NCALD: variants seen among roughly 807,000 people sequenced by gnomAD.
NCALD encodes neurocalcin delta.
In NCALD, 10 loss-of-function variants were observed where a neutral mutation model predicts 18.6. That is an observed-to-expected ratio of 0.54 (90% CI 0.33 to 0.91). The LOEUF (loss-of-function observed/expected upper bound fraction) is 0.91. Ranked by LOEUF, NCALD falls within the 40% of genes least tolerant of loss-of-function variation. The pLI is 0.03. For synonymous variants in NCALD, 88 were observed against 87.4 expected (o/e 1.01, Z -0.04); for missense variants, 184 against 247.6 (o/e 0.74, Z 1.72).
chr8:102,038,470 CAT>C (rs1822944783), intron 1 of NCALD, among the ~76,000 whole-genome samples: 1 of 152,176 alleles, frequency 6.6e-6, no homozygotes, highest in South Asian at 2.1e-4. Flanking sequence ...CATCAACTTT[CAT>C]CAGGATCAAG....
chr8:101,843,740 C>T (rs1336573482), intron 4 of NCALD, among the ~76,000 whole-genome samples: 1 of 152,040 alleles, frequency 6.6e-6, no homozygotes, highest in Admixed American at 6.5e-5. Flanking sequence ...TGCCACCATA[C>T]CCAGCTAATT....
chr8:101,915,295 C>A (rs1336415944), intron 3 of NCALD, among the ~76,000 whole-genome samples: 3 of 152,150 alleles, frequency 2.0e-5, no homozygotes, highest in African/African-American at 7.2e-5. Context: ...GTGGTGAGGA[C>A]CTTGCAGAGC....
chr8:102,011,280 T>C (rs1435772816), intron 2 of NCALD, among the ~76,000 whole-genome samples: 1 of 152,212 alleles, frequency 6.6e-6, no homozygotes, highest in South Asian at 2.1e-4. Context: ...GAACTCTCCA[T>C]AGATCCTCAA....
At chr8:101,691,057 C>A in intron 3 of NCALD, 1 of 985,414 alleles carries the variant, frequency 1.0e-6, no homozygotes, top group South Asian at 4.7e-5. Flanking sequence ...GAGCAACAGG[C>A]AAGCTAAATC....
At chr8:101,890,156 T>C (rs990983570) in intron 3 of NCALD, among the ~76,000 whole-genome samples, 3 of 152,116 alleles carry the variant, frequency 2.0e-5, no homozygotes, top group Non-Finnish European at 1.5e-5. Flanking sequence ...AGAAATGTTA[T>C]ATATCAGTCA....
chr8:102,081,730 A>G (rs2132335572), intron 1 of NCALD, among the ~76,000 whole-genome samples: 1 of 152,338 alleles, frequency 6.6e-6, no homozygotes, highest in Middle Eastern at 3.4e-3. Flanking sequence ...GAAACACAGA[A>G]CATCGTTTGA....
chr8:102,079,390 G>T (rs1454949880), intron 1 of NCALD, among the ~76,000 whole-genome samples: 1 of 152,192 alleles, frequency 6.6e-6, no homozygotes, highest in Non-Finnish European at 1.5e-5. Context: ...TCTAGGGAGA[G>T]AAACTGAGAC....
At chr8:101,815,349 G>C (rs1429849210) in intron 4 of NCALD, among the ~76,000 whole-genome samples, 3 of 151,986 alleles carry the variant, frequency 2.0e-5, no homozygotes, top group Non-Finnish European at 2.9e-5. Flanking sequence ...AAGGAGAAAA[G>C]GCAATACAAT....
chr8:102,088,853 G>T (rs79142898), intron 1 of NCALD, among the ~76,000 whole-genome samples: 13,738 of 152,096 alleles, frequency 0.09, 1,652 homozygotes, highest in African/African-American at 0.28. Flanking sequence ...TGACATTTTT[G>T]ACTTTGGGGA....
chr8:101,922,450 G>T (rs1256068807), intron 2 of NCALD, among the ~76,000 whole-genome samples: 7 of 152,154 alleles, frequency 4.6e-5, no homozygotes, highest in Non-Finnish European at 8.8e-5. Flanking sequence ...TTACCTATTT[G>T]TTCCCAGCAA....
At chr8:101,894,493 G>T (rs1817062267) in intron 3 of NCALD, among the ~76,000 whole-genome samples, 1 of 143,262 alleles carries the variant, frequency 7.0e-6, no homozygotes, top group Non-Finnish European at 1.5e-5. Flanking sequence ...GCTAGCAGAA[G>T]GCAAGAAATA....
At chr8:101,965,879 G>A (rs559867995) in intron 2 of NCALD, among the ~76,000 whole-genome samples, 22 of 152,270 alleles carry the variant, frequency 1.4e-4, no homozygotes, top group Non-Finnish European at 2.6e-4. Context: ...ATGCTGTGCT[G>A]TGTTATTCCC....
rs763919082 is a variant in NCALD at position 101,719,297 on chromosome 8, G to A, written c.333C>T (p.Asp111=). Residue 111 remains aspartate (D), a synonymous_variant, in exon 2 of 4, where the codon GAC becomes GAT. Coordinates refer to ENST00000220931, the MANE Select transcript of NCALD (RefSeq NM_032041.3). ...CTGCCTTGCTGATATAGCCATTTCC[G>A]TCCAGGTCGTACATGCTGAAGGCCC... ...LKWAFSMYDL[D]GNGYISKAEM... The A allele has an allele frequency of 5.5e-5, 88 of 1,613,914 alleles. No homozygotes were observed. The East Asian group carries it at 6.7e-4, about 12-fold the overall frequency.
At chr8:101,906,868 T>C (rs944376547) in intron 3 of NCALD, among the ~76,000 whole-genome samples, 1 of 152,168 alleles carries the variant, frequency 6.6e-6, no homozygotes, top group South Asian at 2.1e-4. Context: ...TTTAAGGTGG[T>C]GCCACAAAAG....
chr8:101,937,164 C>T (rs1035428860), intron 2 of NCALD, among the ~76,000 whole-genome samples: 2 of 151,980 alleles, frequency 1.3e-5, no homozygotes, highest in Non-Finnish European at 2.9e-5. Flanking sequence ...TCTAGGGATC[C>T]AGTGCTCTTG....
intron 2 of NCALD, among the ~76,000 whole-genome samples, chr8:101,700,180 C>A (rs184655348): frequency 6.6e-6 from 1 of 152,092 alleles, no homozygotes; most frequent in Non-Finnish European, 1.5e-5. Flanking sequence ...CCTGTCCCAG[C>A]CTCCTGAGTT....
chr8:101,924,695 A>G (rs1818278801), intron 2 of NCALD, among the ~76,000 whole-genome samples: 1 of 152,238 alleles, frequency 6.6e-6, no homozygotes, highest in Non-Finnish European at 1.5e-5. Context: ...GTCTGCAGTG[A>G]AAAACCAGAG....
chr8:102,044,558 C>T lies in NCALD; in HGVS notation c.-209-24269G>A, dbSNP rs576941467. Among the ~76,000 whole-genome samples the T allele has an allele frequency of 3.9e-5, 6 of 152,292 alleles. No individual in the cohort carries two copies. In the East Asian group the frequency reaches 9.6e-4, roughly 24 times the overall value. ...TCACCAGTGTTTATTGAGCCTATAACGCGGTAATCACTGAGCTAGAACCTG... is the reference window on the plus strand; with the variant it reads ...TCACCAGTGTTTATTGAGCCTATAATGCGGTAATCACTGAGCTAGAACCTG... On this transcript the variant is annotated intron_variant, in intron 1 of 6. Coordinates refer to the NCALD transcript ENST00000311028.
chr8:101,962,103 T>A (rs1354824851), intron 2 of NCALD, among the ~76,000 whole-genome samples: 1 of 152,028 alleles, frequency 6.6e-6, no homozygotes, highest in Non-Finnish European at 1.5e-5. Flanking sequence ...TAAAAAAAAA[T>A]GCAGAAGTCC....
Sources: gnomAD v4.1 joint callset for allele counts (sites outside exome capture counted in the v4.1 genomes callset) on GRCh38, gnomAD v4.1.1 for gene constraint, MANE v1.5 for transcripts, NCBI Gene and HGNC (gene_info 2026-07-23, HGNC 2026-07-21) for gene names.